The following SCLT1 variants were observed in gnomAD, a reference collection of about 807,000 sequenced individuals.
SCLT1 encodes sodium channel and clathrin linker 1.
SCLT1 carries 78 observed loss-of-function variants against 112.8 expected under a neutral mutation model. The ratio of observed to expected loss-of-function variants is 0.69; its 90% CI spans 0.58 to 0.83. SCLT1 has a LOEUF of 0.83. SCLT1 is among the 40% of genes least tolerant of loss of function. SCLT1 has a pLI of 0.00. For missense variants in SCLT1, 747 were observed against 770.4 expected (o/e 0.97, Z 0.36); for synonymous variants, 257 against 254.7 (o/e 1.01, Z -0.09).
At chr4:129,013,898 T>G (rs763168332) in intron 5 of SCLT1, among the ~76,000 whole-genome samples, 4 of 152,224 alleles carry the variant, frequency 2.6e-5, no homozygotes, top group Non-Finnish European at 5.9e-5. Flanking sequence ...TTCTGAAATG[T>G]GTTTTCCAAG....
chr4:128,918,389 A>T (rs547301523), intron 18 of SCLT1, among the ~76,000 whole-genome samples: 2 of 152,322 alleles, frequency 1.3e-5, no homozygotes, highest in East Asian at 1.9e-4. Context: ...TTCATAATAC[A>T]ATCAATCACA....
At chr4:128,948,335 C>CAAAAAAAAAAA (rs11312069) in intron 15 of SCLT1, among the ~76,000 whole-genome samples, 161 bp downstream of exon 15, 63 of 47,944 alleles carry the variant, frequency 1.3e-3, no homozygotes, top group Non-Finnish European at 1.6e-3. Context: ...GACTCCATTG[C>CAAAAAAAAAAA]AAAAAAAAAA....
intron 2 of SCLT1, among the ~76,000 whole-genome samples, chr4:129,058,378 T>C (rs1749641310): frequency 6.6e-6 from 1 of 152,184 alleles, no homozygotes. Context: ...TTTACCTCTT[T>C]TGCTGTATCC....
At chr4:128,994,328 A>C (rs1246670786) in intron 8 of SCLT1, among the ~76,000 whole-genome samples, 1 of 152,144 alleles carries the variant, frequency 6.6e-6, no homozygotes, top group Non-Finnish European at 1.5e-5. Flanking sequence ...AAGTTTATTC[A>C]TGTTATCACA....
chr4:129,026,265 C>T (rs1480474291), intron 5 of SCLT1, among the ~76,000 whole-genome samples: 2 of 152,108 alleles, frequency 1.3e-5, no homozygotes, highest in African/African-American at 2.4e-5. Flanking sequence ...CAGCACCACA[C>T]CACACCTATT....
At chr4:128,974,426 C>T (rs2126039804) in intron 9 of SCLT1, among the ~76,000 whole-genome samples, 1 of 151,102 alleles carries the variant, frequency 6.6e-6, no homozygotes, top group African/African-American at 2.4e-5. Context: ...AAAAAATGAC[C>T]CTGATGGGAA....
At chr4:128,978,091 G>A (rs971773947) in intron 9 of SCLT1, among the ~76,000 whole-genome samples, 1 of 152,158 alleles carries the variant, frequency 6.6e-6, no homozygotes, top group Non-Finnish European at 1.5e-5. Context: ...GCATTAGCTA[G>A]TAAGATAGAG....
chr4:129,009,718 G>C (rs1044360331), intron 5 of SCLT1, among the ~76,000 whole-genome samples: 1 of 151,914 alleles, frequency 6.6e-6, no homozygotes, highest in Non-Finnish European at 1.5e-5. Flanking sequence ...TAATTAAGTT[G>C]AGCTTTTTTT....
At chr4:128,906,110 T>G (rs10518539) in intron 18 of SCLT1, among the ~76,000 whole-genome samples, 38,022 of 152,164 alleles carry the variant, frequency 0.25, 5,457 homozygotes, top group East Asian at 0.33. Flanking sequence ...CATCCAGTAA[T>G]AACATTTCTA....
At chr4:129,069,894 C>T (rs529355713) in intron 2 of SCLT1, among the ~76,000 whole-genome samples, 1 of 152,230 alleles carries the variant, frequency 6.6e-6, no homozygotes, top group South Asian at 2.1e-4. Flanking sequence ...GTGGGTTTGT[C>T]ATAGATGGCT....
chr4:129,005,896 C>T (rs1743961895), intron 5 of SCLT1, among the ~76,000 whole-genome samples: 1 of 151,072 alleles, frequency 6.6e-6, no homozygotes, highest in Non-Finnish European at 1.5e-5. Context: ...AATCATCACT[C>T]TCAGTAAACT....
intron 18 of SCLT1, among the ~76,000 whole-genome samples, chr4:128,916,916 C>G (rs1433617530): frequency 6.6e-6 from 1 of 152,080 alleles, no homozygotes; most frequent in Non-Finnish European, 1.5e-5. Flanking sequence ...GCTGAGTGTA[C>G]AACTCCAACC....
At chr4:129,028,195 C>T (rs1022924985) in intron 5 of SCLT1, among the ~76,000 whole-genome samples, 1 of 152,036 alleles carries the variant, frequency 6.6e-6, no homozygotes. Flanking sequence ...TCATATGGAA[C>T]CAAAAAAGAG....
chr4:129,064,781 AGAGGATTTTCTG>A (rs1386875282), intron 2 of SCLT1, among the ~76,000 whole-genome samples: 12 of 152,180 alleles, frequency 7.9e-5, no homozygotes, highest in Non-Finnish European at 1.6e-4. Context: ...TCAAAGCAAC[AGAGGATTTTCTG>A]GTTAACTTTT....
At chr4:128,941,765 C>T (rs908693184) in intron 17 of SCLT1, among the ~76,000 whole-genome samples, 13 of 152,066 alleles carry the variant, frequency 8.5e-5, no homozygotes, top group African/African-American at 2.9e-4. Flanking sequence ...AGATTTTCTC[C>T]TAGAAACTAT....
At chr4:129,004,620 C>T (rs2126090710) in intron 5 of SCLT1, among the ~76,000 whole-genome samples, 1 of 151,940 alleles carries the variant, frequency 6.6e-6, no homozygotes, top group Admixed American at 6.6e-5. Context: ...TAATCATAAG[C>T]AGAAAATATT....
At chr4:128,952,989 C>T in intron 13 of SCLT1, 149 bp from the exon 14 acceptor site, 1 of 581,554 alleles carries the variant, frequency 1.7e-6, no homozygotes, top group Non-Finnish European at 3.0e-6. Context: ...TATTAAAGAG[C>T]CAAGAATTTG....
intron 5 of SCLT1, among the ~76,000 whole-genome samples, chr4:129,034,499 TACTA>T (rs2126150968): frequency 1.3e-5 from 2 of 151,372 alleles, no homozygotes; most frequent in South Asian, 2.1e-4. Context: ...TAGATTCATA[TACTA>T]ACTACTTTAT....
intron 14 of SCLT1, among the ~76,000 whole-genome samples, chr4:128,951,217 G>C (rs1738705978): frequency 6.6e-6 from 1 of 152,076 alleles, no homozygotes; most frequent in African/African-American, 2.4e-5. Context: ...GCTTCAAACT[G>C]TAGCTTAGAT....
Sources: gnomAD v4.1 joint callset for allele counts (sites outside exome capture counted in the v4.1 genomes callset) on GRCh38, gnomAD v4.1.1 for gene constraint, MANE v1.5 for transcripts, NCBI Gene and HGNC (gene_info 2026-07-23, HGNC 2026-07-21) for gene names.